Variants in NELL1 observed in about 807,000 individuals in gnomAD.
NELL1 encodes the protein neural EGFL like 1, also known as protein kinase C-binding protein NELL1.
A neutral mutation model predicts 107.4 loss-of-function variants in NELL1; 76 were observed. That is an observed-to-expected ratio of 0.71 (90% CI 0.59 to 0.86). The LOEUF is 0.86. Ranked by LOEUF, NELL1 falls within the 40% of genes least tolerant of loss-of-function variation. NELL1 has a pLI of 0.00. For synonymous variants in NELL1, 353 were observed against 341.2 expected (o/e 1.03, Z -0.38); for missense variants, 1,024 against 1,005.5 (o/e 1.02, Z -0.25).
At position 21,463,803 on chromosome 11, in the gene NELL1, T is replaced by G. The variant is rs1245225807; in HGVS notation, c.1646-70571T>G. On this transcript the variant is annotated intron_variant, in intron 15 of 19. Transcript: ENST00000357134. ...GACAAGGCCAACTAGAGGTGGCTTG[T>G]CTCTTTTCCATGAGATCTAGGGACT... is the stretch of plus-strand genomic sequence containing the variant. Among the ~76,000 whole-genome samples the G allele has an allele frequency of 2.0e-5, 3 of 152,078 alleles. No homozygotes were observed. The East Asian group carries it at 5.8e-4, about 29-fold the overall frequency.
At chr11:21,558,025 A>G (rs1856763611) in intron 16 of NELL1, among the ~76,000 whole-genome samples, 1 of 152,064 alleles carries the variant, frequency 6.6e-6, no homozygotes, top group Non-Finnish European at 1.5e-5. Context: ...TATAAGGTAC[A>G]GAGAAAGCAA....
chr11:20,963,170 G>C (rs961517906), intron 12 of NELL1, among the ~76,000 whole-genome samples: 1 of 152,128 alleles, frequency 6.6e-6, no homozygotes, highest in Admixed American at 6.6e-5. Flanking sequence ...AGGAAGAGAG[G>C]AAGGGGCAGG....
intron 12 of NELL1, among the ~76,000 whole-genome samples, chr11:21,107,669 C>G (rs555526537): frequency 7.4e-4 from 113 of 152,278 alleles, no homozygotes; most frequent in African/African-American, 2.6e-3. Flanking sequence ...CATCTGCAAG[C>G]TCCTCTTGCA....
At chr11:21,231,496 C>T (rs1858049185) in intron 14 of NELL1, among the ~76,000 whole-genome samples, 1 of 152,070 alleles carries the variant, frequency 6.6e-6, no homozygotes, top group African/African-American at 2.4e-5. Context: ...AATGTAATTC[C>T]AGGGATTATC....
intron 12 of NELL1, among the ~76,000 whole-genome samples, chr11:20,973,494 C>G (rs1244855631): frequency 1.3e-5 from 2 of 152,138 alleles, no homozygotes; most frequent in African/African-American, 4.8e-5. Flanking sequence ...ATATCCGCAG[C>G]CTAGCACCTG....
intron 15 of NELL1, among the ~76,000 whole-genome samples, chr11:21,528,005 T>G (rs577123425): frequency 6.6e-6 from 1 of 152,116 alleles, no homozygotes; most frequent in African/African-American, 2.4e-5. Flanking sequence ...CCAGGAACAA[T>G]ACTTTGCATC....
At chr11:20,853,674 A>C (rs1848829906) in intron 4 of NELL1, among the ~76,000 whole-genome samples, 1 of 152,204 alleles carries the variant, frequency 6.6e-6, no homozygotes, top group African/African-American at 2.4e-5. Context: ...CATTTAGTCA[A>C]ATTTTTACCT....
intron 12 of NELL1, among the ~76,000 whole-genome samples, chr11:21,031,786 C>T (rs1169230804): frequency 1.3e-5 from 2 of 151,916 alleles, no homozygotes; most frequent in East Asian, 1.9e-4. Flanking sequence ...TGGTGGCTCA[C>T]GCCTGTAATC....
At chr11:20,781,518 C>G (rs1856849601) in intron 2 of NELL1, among the ~76,000 whole-genome samples, 2 of 152,096 alleles carry the variant, frequency 1.3e-5, no homozygotes, top group Admixed American at 6.5e-5. Flanking sequence ...ATATTCATAT[C>G]CATTTCCTCC....
intron 15 of NELL1, among the ~76,000 whole-genome samples, chr11:21,448,551 T>A (rs1156546054): frequency 6.6e-6 from 1 of 152,172 alleles, no homozygotes; most frequent in Non-Finnish European, 1.5e-5. Context: ...TATATAATAT[T>A]TTTAGCACTT....
At chr11:21,294,017 G>A (rs997339518) in intron 14 of NELL1, among the ~76,000 whole-genome samples, 3 of 152,104 alleles carry the variant, frequency 2.0e-5, no homozygotes, top group Non-Finnish European at 2.9e-5. Flanking sequence ...TATTCCACGT[G>A]TATACTTATG....
intron 12 of NELL1, among the ~76,000 whole-genome samples, chr11:21,029,683 G>T (rs1852904792): frequency 6.6e-6 from 1 of 151,966 alleles, no homozygotes; most frequent in Non-Finnish European, 1.5e-5. Flanking sequence ...TCTTGGATTT[G>T]GGTTCATAGT....
chr11:21,074,074 C>G (rs1335371521), intron 12 of NELL1, among the ~76,000 whole-genome samples: 1 of 151,990 alleles, frequency 6.6e-6, no homozygotes, highest in Non-Finnish European at 1.5e-5. Flanking sequence ...GTCTTTAAGC[C>G]TTATTGGTTG....
intron 14 of NELL1, among the ~76,000 whole-genome samples, chr11:21,272,683 C>G (rs1848765885): frequency 6.6e-6 from 1 of 152,184 alleles, no homozygotes; most frequent in African/African-American, 2.4e-5. Flanking sequence ...CTCACACGGC[C>G]TGGTACTCCT....
chr11:20,834,572 G>A (rs994722319), intron 3 of NELL1, among the ~76,000 whole-genome samples: 9 of 151,886 alleles, frequency 5.9e-5, no homozygotes, highest in African/African-American at 1.9e-4. Flanking sequence ...GTGTGGTGGC[G>A]GGCACCTGTA....
At chr11:21,024,234 A>G (rs1266523934) in intron 12 of NELL1, among the ~76,000 whole-genome samples, 1 of 152,140 alleles carries the variant, frequency 6.6e-6, no homozygotes, top group Admixed American at 6.5e-5. Context: ...CTGAACTACC[A>G]AACCAACTTA....
intron 12 of NELL1, among the ~76,000 whole-genome samples, chr11:21,095,199 GA>G: frequency 6.6e-6 from 1 of 152,138 alleles, no homozygotes; most frequent in Non-Finnish European, 1.5e-5. Flanking sequence ...AACATAACAA[GA>G]GTCACCTTTG....
intron 11 of NELL1, among the ~76,000 whole-genome samples, chr11:20,956,312 A>G (rs552812409): frequency 1.4e-4 from 22 of 152,110 alleles, no homozygotes; most frequent in African/African-American, 4.8e-4. Flanking sequence ...CTGTATAACA[A>G]CTCATCTGTG....
chr11:21,235,888 T>A (rs1858193613), intron 14 of NELL1, among the ~76,000 whole-genome samples: 1 of 152,276 alleles, frequency 6.6e-6, no homozygotes, highest in African/African-American at 2.4e-5. Context: ...TCTCTTAATC[T>A]ATTTTCTTTT....
Sources: gnomAD v4.1 joint callset for allele counts (sites outside exome capture counted in the v4.1 genomes callset) on GRCh38, gnomAD v4.1.1 for gene constraint, MANE v1.5 for transcripts, NCBI Gene and HGNC (gene_info 2026-07-23, HGNC 2026-07-21) for gene names.